The following MSH3 variants were observed in gnomAD, a reference collection of about 807,000 sequenced individuals.
The protein encoded by MSH3 is DNA mismatch repair protein Msh3.
In MSH3, 106 loss-of-function variants were observed where a neutral mutation model predicts 123.3. The ratio of observed to expected loss-of-function variants is 0.86; its 90% CI spans 0.73 to 1.01. MSH3 has a LOEUF of 1.01. Ranked by LOEUF, MSH3 falls within the 50% of genes least tolerant of loss-of-function variation. The pLI is 0.00. For missense variants in MSH3, 1,459 were observed against 1,347.6 expected (o/e 1.08, Z -1.29); for synonymous variants, 515 against 481.4 (o/e 1.07, Z -0.91).
intron 20 of MSH3, among the ~76,000 whole-genome samples, chr5:80,833,428 A>G (rs896426927): frequency 6.6e-6 from 1 of 152,104 alleles, no homozygotes; most frequent in African/African-American, 2.4e-5. Context: ...AATAAAAACT[A>G]TAAACTTTAT....
At chr5:80,662,563 A>T (rs1749460063) in intron 2 of MSH3, among the ~76,000 whole-genome samples, 1 of 152,208 alleles carries the variant, frequency 6.6e-6, no homozygotes, top group African/African-American at 2.4e-5. Context: ...ACGGTGGCTC[A>T]CGCCTTTAAT....
intron 1 of MSH3, 37 bp downstream of exon 1, chr5:80,655,001 C>CT: frequency 1.6e-6 from 2 of 1,249,746 alleles, no homozygotes; most frequent in Non-Finnish European, 2.1e-6. Flanking sequence ...GCCATCGGGG[C>CT]TGGGGGGGCG....
At chr5:80,817,466 G>A (rs1745125734) in intron 20 of MSH3, among the ~76,000 whole-genome samples, 1 of 152,176 alleles carries the variant, frequency 6.6e-6, no homozygotes, top group African/African-American at 2.4e-5. Context: ...GAGAGATCCA[G>A]TGAGGGACTT....
chr5:80,875,034 G>T (rs945486505), intron 23 of MSH3, among the ~76,000 whole-genome samples: 1 of 152,202 alleles, frequency 6.6e-6, no homozygotes, highest in Non-Finnish European at 1.5e-5. Flanking sequence ...TGTTATAATA[G>T]TTGCTATTTG....
chr5:80,746,336 T>G, intron 12 of MSH3: 1 of 359,530 alleles, frequency 2.8e-6, no homozygotes, highest in Non-Finnish European at 5.4e-6. Context: ...TCAAGGACGT[T>G]TCACTTCTGT....
chr5:80,809,344 A>G (rs1744965900), intron 19 of MSH3, among the ~76,000 whole-genome samples: 1 of 150,458 alleles, frequency 6.6e-6, no homozygotes, highest in South Asian at 2.1e-4. Context: ...AAATTATTTT[A>G]GTTTACCAAG....
intron 17 of MSH3, 82 bp downstream of exon 17, chr5:80,778,918 A>G: frequency 1.2e-6 from 1 of 813,238 alleles, no homozygotes; most frequent in African/African-American, 1.7e-5. Flanking sequence ...AAAAGAAAAT[A>G]GAGATTACAG....
intron 8 of MSH3, among the ~76,000 whole-genome samples, chr5:80,709,870 C>T (rs1750812209): frequency 6.6e-6 from 1 of 152,160 alleles, no homozygotes; most frequent in Admixed American, 6.5e-5. Flanking sequence ...TCTGAAATCA[C>T]ACATTAGTAG....
intron 21 of MSH3, among the ~76,000 whole-genome samples, chr5:80,860,694 G>A (rs1746001971): frequency 6.6e-6 from 1 of 151,694 alleles, no homozygotes; most frequent in African/African-American, 2.4e-5. Context: ...CCAGATCTGT[G>A]GTTTTGTGTC....
At chr5:80,778,877 T>C in intron 17 of MSH3, 41 bp downstream of exon 17, 2 of 1,134,800 alleles carry the variant, frequency 1.8e-6, no homozygotes, top group Non-Finnish European at 2.7e-6. Flanking sequence ...CTTTTTGCTA[T>C]CAGAAACAGA....
intron 20 of MSH3, among the ~76,000 whole-genome samples, chr5:80,837,433 G>A (rs976878467): frequency 6.6e-6 from 1 of 152,054 alleles, no homozygotes; most frequent in East Asian, 1.9e-4. Flanking sequence ...ACAAAAATTA[G>A]CCAGGCATGG....
intron 8 of MSH3, 138 bp from the exon 9 acceptor site, chr5:80,725,315 T>C: frequency 1.6e-6 from 1 of 633,658 alleles, no homozygotes; most frequent in Non-Finnish European, 2.8e-6. Context: ...GCTCTTTCTT[T>C]CTCTCTCTTT....
intron 12 of MSH3, among the ~76,000 whole-genome samples, chr5:80,745,939 T>C (rs1743710695): frequency 6.6e-6 from 1 of 152,194 alleles, no homozygotes; most frequent in African/African-American, 2.4e-5. Context: ...TTGAAGACAC[T>C]GTTATGGGTT....
At chr5:80,801,070 A>T (rs1744781771) in intron 19 of MSH3, among the ~76,000 whole-genome samples, 1 of 152,202 alleles carries the variant, frequency 6.6e-6, no homozygotes, top group Admixed American at 6.5e-5. Context: ...TCTGGCTAGC[A>T]CCAAGTGAAC....
chr5:80,813,906 A>G (rs1323380322), intron 20 of MSH3, among the ~76,000 whole-genome samples, 165 bp downstream of exon 20: 5 of 152,184 alleles, frequency 3.3e-5, no homozygotes, highest in Non-Finnish European at 5.9e-5. Context: ...CACACCTGTG[A>G]TCCCAGCACT....
chr5:80,873,654 G>A lies in MSH3; in HGVS notation c.3302+367G>A, dbSNP rs559103309. 5.9e-5 allele frequency among the ~76,000 whole-genome samples: 9 copies of A among 152,198 alleles called. No homozygotes were observed. The East Asian group carries it at 7.7e-4, about 13-fold the overall frequency. ...CATAGATTTTATTCAGATATGCAACGATTACATCCAGAAATTCTATCAGAG... is the reference window on the plus strand; with the variant it reads ...CATAGATTTTATTCAGATATGCAACAATTACATCCAGAAATTCTATCAGAG... On this transcript the variant is annotated intron_variant, in intron 23 of 23. Coordinates refer to ENST00000265081, the MANE Select transcript of MSH3 (RefSeq NM_002439.5).
chr5:80,662,570 T>C (rs955155581), intron 2 of MSH3, among the ~76,000 whole-genome samples: 1 of 152,162 alleles, frequency 6.6e-6, no homozygotes, highest in African/African-American at 2.4e-5. Context: ...CTCACGCCTT[T>C]AATCACAGCA....
At chr5:80,864,449 A>G (rs1021317734) in intron 21 of MSH3, among the ~76,000 whole-genome samples, 3 of 152,182 alleles carry the variant, frequency 2.0e-5, no homozygotes, top group Admixed American at 6.5e-5. Context: ...TAGGAACTGT[A>G]TATGTTATAT....
At chr5:80,730,946 A>G (rs1430063359) in intron 10 of MSH3, among the ~76,000 whole-genome samples, 1 of 136,248 alleles carries the variant, frequency 7.3e-6, no homozygotes, top group Non-Finnish European at 1.5e-5. Context: ...TCTGTTGCCC[A>G]GGCTGGAGTA....
Sources: allele counts gnomAD v4.1 joint callset (sites outside exome capture counted in the v4.1 genomes callset), GRCh38; gene constraint gnomAD v4.1.1; transcripts MANE v1.5; gene names NCBI Gene and HGNC (gene_info 2026-07-23, HGNC 2026-07-21).